Variants in PXDNL observed in about 807,000 individuals in gnomAD.
The protein encoded by PXDNL is peroxidasin like, also known as probable oxidoreductase PXDNL.
A neutral mutation model predicts 150.8 loss-of-function variants in PXDNL; 145 were observed. The observed-to-expected ratio is 0.96, with a 90% CI of 0.84 to 1.10. PXDNL has a LOEUF of 1.10. PXDNL is among the 50% of genes least tolerant of loss of function. The pLI is 0.00. For missense variants in PXDNL, 2,087 were observed against 1,873.9 expected (o/e 1.11, Z -2.10); for synonymous variants, 757 against 725.7 (o/e 1.04, Z -0.69).
intron 21 of PXDNL, among the ~76,000 whole-genome samples, chr8:51,331,104 A>G (rs1316761190): frequency 6.6e-6 from 1 of 152,198 alleles, no homozygotes; most frequent in African/African-American, 2.4e-5. Context: ...CTCTGCAGGA[A>G]GCAGACTGCT....
chr8:51,710,441 TG>T (rs1816472831), intron 1 of PXDNL, among the ~76,000 whole-genome samples: 1 of 152,208 alleles, frequency 6.6e-6, no homozygotes, highest in Non-Finnish European at 1.5e-5. Context: ...ATCAATTTTT[TG>T]GGGGGTGAGG....
intron 4 of PXDNL, among the ~76,000 whole-genome samples, chr8:51,510,138 G>A (rs1321014140): frequency 6.6e-6 from 1 of 152,136 alleles, no homozygotes; most frequent in African/African-American, 2.4e-5. Flanking sequence ...TGAAATGTAG[G>A]GGGAGTATTG....
chr8:51,679,615 T>C (rs28549751), intron 1 of PXDNL, among the ~76,000 whole-genome samples: 97,781 of 152,054 alleles, frequency 0.64, 33,773 homozygotes, highest in East Asian at 0.85. Flanking sequence ...ATCCTTTTTA[T>C]TTAATGTGGT....
At chr8:51,396,673 G>A (rs1280337692) in intron 17 of PXDNL, among the ~76,000 whole-genome samples, 23 of 152,176 alleles carry the variant, frequency 1.5e-4, no homozygotes, top group Admixed American at 1.4e-3. Flanking sequence ...CAGGAGAAAC[G>A]CTTGAACGTG....
intron 2 of PXDNL, among the ~76,000 whole-genome samples, chr8:51,640,291 C>A (rs1814718679): frequency 6.6e-6 from 1 of 152,122 alleles, no homozygotes; most frequent in Non-Finnish European, 1.5e-5. Flanking sequence ...TGAAAACTGG[C>A]ACAAGACAGG....
At chr8:51,360,839 T>C (rs1806710329) in intron 19 of PXDNL, among the ~76,000 whole-genome samples, 2 of 152,260 alleles carry the variant, frequency 1.3e-5, no homozygotes, top group South Asian at 4.1e-4. Flanking sequence ...CTGTTTTCTG[T>C]ACATCAGTTC....
chr8:51,650,450 T>C (rs942877836), intron 2 of PXDNL, among the ~76,000 whole-genome samples: 1 of 152,182 alleles, frequency 6.6e-6, no homozygotes, highest in African/African-American at 2.4e-5. Flanking sequence ...CTCCTGATGT[T>C]GTGATTTTGT....
intron 1 of PXDNL, among the ~76,000 whole-genome samples, chr8:51,767,137 A>G (rs4873599): frequency 0.92 from 139,182 of 152,036 alleles, 64,564 homozygotes; most frequent in East Asian, 1. Context: ...CTGATTTAAA[A>G]TCTTTATCTA....
At chr8:51,410,564 C>T (rs1313847306) in intron 16 of PXDNL, among the ~76,000 whole-genome samples, 2 of 152,104 alleles carry the variant, frequency 1.3e-5, no homozygotes, top group African/African-American at 4.8e-5. Context: ...TTCTGCACCA[C>T]GTCTCGGTTG....
At chr8:51,740,650 G>A (rs2036895475) in intron 1 of PXDNL, among the ~76,000 whole-genome samples, 1 of 151,722 alleles carries the variant, frequency 6.6e-6, no homozygotes, top group African/African-American at 2.4e-5. Flanking sequence ...TTCTATTCAC[G>A]TCCTTTGCCC....
chr8:51,476,874 A>G (rs1490519307), intron 6 of PXDNL, among the ~76,000 whole-genome samples: 2 of 152,246 alleles, frequency 1.3e-5, no homozygotes, highest in African/African-American at 4.8e-5. Flanking sequence ...AGAATACAAA[A>G]TGCCATAAAT....
At chr8:51,739,809 G>A (rs910343021) in intron 1 of PXDNL, among the ~76,000 whole-genome samples, 1 of 149,968 alleles carries the variant, frequency 6.7e-6, no homozygotes, top group African/African-American at 2.5e-5. Flanking sequence ...CCAGGAGGTG[G>A]AGCTTGCAAT....
intron 1 of PXDNL, among the ~76,000 whole-genome samples, chr8:51,658,052 G>A (rs1488192349): frequency 1.3e-5 from 2 of 152,114 alleles, no homozygotes; most frequent in East Asian, 1.9e-4. Context: ...GAGAAGCAGA[G>A]TGTGGGCTGG....
At chr8:51,490,655 T>C (rs1307518839) in intron 5 of PXDNL, among the ~76,000 whole-genome samples, 1 of 149,790 alleles carries the variant, frequency 6.7e-6, no homozygotes, top group Non-Finnish European at 1.5e-5. Flanking sequence ...TACATATATA[T>C]ACACATATAT....
At chr8:51,503,329 G>T (rs1163252020) in intron 4 of PXDNL, among the ~76,000 whole-genome samples, 2 of 152,204 alleles carry the variant, frequency 1.3e-5, no homozygotes, top group Non-Finnish European at 2.9e-5. Flanking sequence ...GAGTTCTGTT[G>T]ATTATAGTGC....
chr8:51,656,604 A>G (rs1563497799), intron 1 of PXDNL, among the ~76,000 whole-genome samples: 1 of 152,220 alleles, frequency 6.6e-6, no homozygotes, highest in South Asian at 2.1e-4. Context: ...ATGAGATTCC[A>G]ATACAACAAG....
intron 4 of PXDNL, among the ~76,000 whole-genome samples, chr8:51,531,102 C>T (rs1811892126): frequency 6.6e-6 from 1 of 152,210 alleles, no homozygotes; most frequent in Non-Finnish European, 1.5e-5. Context: ...TCTCATCTGA[C>T]ACTAACAGGA....
At chr8:51,462,164 C>T (rs1452192125) in intron 8 of PXDNL, among the ~76,000 whole-genome samples, 2 of 152,154 alleles carry the variant, frequency 1.3e-5, no homozygotes, top group Non-Finnish European at 2.9e-5. Flanking sequence ...CAACTGACAG[C>T]AACTTCAAAG....
intron 17 of PXDNL, among the ~76,000 whole-genome samples, chr8:51,393,395 G>T (rs554972557): frequency 1.1e-4 from 17 of 152,298 alleles, no homozygotes; most frequent in African/African-American, 3.4e-4. Flanking sequence ...AGTACAAAAG[G>T]CTCCACAGTG....
Sources: gnomAD v4.1 joint callset for allele counts (sites outside exome capture counted in the v4.1 genomes callset) on GRCh38, gnomAD v4.1.1 for gene constraint, MANE v1.5 for transcripts, NCBI Gene and HGNC (gene_info 2026-07-23, HGNC 2026-07-21) for gene names.